CENPI: variants seen among roughly 807,000 people sequenced by gnomAD.
CENPI encodes the protein FSH primary response 1.
CENPI carries 4 observed loss-of-function variants against 60.4 expected under a neutral mutation model. The ratio of observed to expected loss-of-function variants is 0.07; its 90% CI spans 0.03 to 0.15. The LOEUF (loss-of-function observed/expected upper bound fraction) is 0.15. Among genes scored for constraint, CENPI ranks in the 10% least tolerant of loss-of-function variants. The pLI, the probability that CENPI is intolerant of heterozygous loss-of-function variation, is 1.00. For synonymous variants in CENPI, 157 were observed against 189.4 expected (o/e 0.83, Z 1.40); for missense variants, 444 against 534.5 (o/e 0.83, Z 1.67).
intron 14 of CENPI, 41 bp downstream of exon 14, chrX:101,132,348 C>T (rs7883144): frequency 0.24 from 291,386 of 1,189,819 alleles, 24,434 homozygotes; most frequent in South Asian, 0.34. Flanking sequence ...ATTCAACGTA[C>T]TATGATTGAA....
chrX:101,134,494 C>T (rs1411274102), intron 15 of CENPI, among the ~76,000 whole-genome samples: 1 of 111,118 alleles, frequency 9.0e-6, no homozygotes, highest in Non-Finnish European at 1.9e-5. Flanking sequence ...GATTATTGAG[C>T]GTCATTAAGG....
chrX:101,152,547 A>C (rs2090017001), intron 20 of CENPI, among the ~76,000 whole-genome samples: 1 of 109,450 alleles, frequency 9.1e-6, no homozygotes, highest in Non-Finnish European at 1.9e-5. Context: ...CTCCTGAGGC[A>C]TGTGTCACCA....
At chrX:101,139,486 T>G (rs1027757167) in intron 15 of CENPI, among the ~76,000 whole-genome samples, 8 of 112,370 alleles carry the variant, frequency 7.1e-5, no homozygotes, top group African/African-American at 2.3e-4. Context: ...TAATATAACA[T>G]TGTAATGTTG....
At chrX:101,112,294 T>TA (rs1178292764) in intron 6 of CENPI, among the ~76,000 whole-genome samples, 6 of 112,110 alleles carry the variant, frequency 5.4e-5, no homozygotes, top group Non-Finnish European at 1.1e-4. Flanking sequence ...GATTTTTAGT[T>TA]ATCATATAAT....
intron 15 of CENPI, among the ~76,000 whole-genome samples, chrX:101,136,388 G>A (rs1461180003): frequency 1.5e-4 from 17 of 111,788 alleles, no homozygotes; most frequent in African/African-American, 4.5e-4. Flanking sequence ...AAGAAGCATA[G>A]AGACAAGGAA....
At chrX:101,156,498 A>G in intron 20 of CENPI, among the ~76,000 whole-genome samples, 1 of 111,547 alleles carries the variant, frequency 9.0e-6, no homozygotes, top group South Asian at 3.8e-4. Flanking sequence ...TTTATTTATT[A>G]TTTTCAATGT....
intron 18 of CENPI, 112 bp from the exon 19 acceptor site, chrX:101,147,651 C>A: frequency 1.7e-6 from 1 of 580,150 alleles, no homozygotes; most frequent in Non-Finnish European, 2.8e-6. Context: ...TGTATATGCA[C>A]ATTTGCATAT....
At position 101,162,255 on chromosome X, in the gene CENPI, C is replaced by A. The variant is rs181506455; in HGVS notation, c.2137-578C>A. ...GCACCCGGAGGCCTGGAATTTGAGA[C>A]CAGCCTGGGCAACATAGCAAGACCA... is the stretch of plus-strand genomic sequence containing the variant. On this transcript the variant is annotated intron_variant, in intron 21 of 21. Coordinates refer to ENST00000682095, the MANE Select transcript of CENPI (RefSeq NM_001386188.2). Among the ~76,000 whole-genome samples the A allele has an allele frequency of 4.7e-3, 510 of 108,325 alleles. 2 individuals carry two copies. Among genetic ancestry groups the A allele is most frequent in the African/African-American group, 0.016 (489 of 29,642 alleles). The allele number at this position is 108,325 out of a possible 115,157, so 94.1% of individuals were successfully genotyped here.
At chrX:101,125,496 A>G (rs1425395433) in intron 8 of CENPI, among the ~76,000 whole-genome samples, 10 of 111,297 alleles carry the variant, frequency 9.0e-5, no homozygotes, top group Non-Finnish European at 1.9e-4. Flanking sequence ...TCCCAGGTTC[A>G]AGCCATTCTC....
intron 15 of CENPI, 114 bp from the exon 16 acceptor site, chrX:101,140,552 A>C: frequency 1.9e-6 from 1 of 530,735 alleles, no homozygotes. Context: ...TGTTGGGTTC[A>C]AAATTTGATG....
At chrX:101,102,573 T>A (rs55716641) in intron 4 of CENPI, among the ~76,000 whole-genome samples, 162 bp downstream of exon 4, 1 of 107,033 alleles carries the variant, frequency 9.3e-6, no homozygotes, top group African/African-American at 3.4e-5. Flanking sequence ...ATTGCCCAGG[T>A]TGGTCTCGAA....
chrX:101,105,320 C>T (rs1302651335), intron 4 of CENPI, among the ~76,000 whole-genome samples: 2 of 110,970 alleles, frequency 1.8e-5, no homozygotes, highest in South Asian at 3.8e-4. Context: ...ATCAGGAGAT[C>T]GAGACCATCC....
chrX:101,145,118 A>G lies in CENPI; in HGVS notation c.1620A>G (p.Val540=). 8.3e-7 allele frequency: 1 copy of G among 1,202,942 alleles called. No individual in the cohort carries two copies. The highest frequency in any genetic ancestry group is 1.1e-6 in the Non-Finnish European group (1 of 887,472). The change falls in exon 17 of 22, where the codon GTA becomes GTG. Residue 540 remains valine, a synonymous_variant. Coordinates refer to ENST00000682095, the MANE Select transcript of CENPI (RefSeq NM_001386188.2). ...MNSVSKLIHY[V]GWLSTTAMRL... is the part of the protein sequence containing the mutation. Reference sequence around the variant, plus strand: ...CTGTGTCTAAACTGATCCACTATGTAGGGTGGCTATCCACTACTGCAATGC... The same window carrying G: ...CTGTGTCTAAACTGATCCACTATGTGGGGTGGCTATCCACTACTGCAATGC...
At chrX:101,176,720 G>A in the CENPI span, among the ~76,000 whole-genome samples, 1 of 112,586 alleles carries the variant, frequency 8.9e-6, no homozygotes, top group Non-Finnish European at 1.9e-5. Flanking sequence ...TCAGTTCAAC[G>A]ATGCCTCTAC....
chrX:101,173,185 T>G, the CENPI span, among the ~76,000 whole-genome samples: 3 of 107,583 alleles, frequency 2.8e-5, no homozygotes, highest in African/African-American at 3.4e-5. Flanking sequence ...CCAGCTAATT[T>G]TTGTATTTTT....
chrX:101,127,555 T>C lies in CENPI; in HGVS notation c.964T>C (p.Cys322Arg). Reference protein sequence around the residue: ...VLNSSSYTKECGKKEMSLSDC... With the variant: ...VLNSSSYTKERGKKEMSLSDC... ...CAATTCCAGTAGCTACACTAAAGAA[T>C]GTGGAAAAAAAGAGATGAGTCTTTC... The change falls in exon 11 of 22, where the codon TGT becomes CGT. Residue 322 changes from cysteine (C) to arginine (R), a missense_variant. By Grantham distance (180) the Cys-to-Arg change is radical. Transcript: ENST00000682095. The C allele has an allele frequency of 1.7e-6, 2 of 1,199,759 alleles. No homozygotes were observed. The highest frequency in any genetic ancestry group is 2.3e-6 in the Non-Finnish European group (2 of 886,099).
intron 20 of CENPI, among the ~76,000 whole-genome samples, chrX:101,154,223 G>A (rs887166799): frequency 4.4e-4 from 49 of 111,547 alleles, no homozygotes; most frequent in African/African-American, 1.5e-3. Flanking sequence ...TTTGGCTATT[G>A]TTGGTTCTTT....
chrX:101,111,763 G>A (rs2089556383), intron 6 of CENPI, among the ~76,000 whole-genome samples: 1 of 111,708 alleles, frequency 9.0e-6, no homozygotes, highest in Non-Finnish European at 1.9e-5. Flanking sequence ...GCCAAGCGCG[G>A]TGGCTCACAC....
chrX:101,107,950 T>G (rs1390074493), intron 4 of CENPI, among the ~76,000 whole-genome samples: 3 of 108,878 alleles, frequency 2.8e-5, no homozygotes, highest in Non-Finnish European at 3.8e-5. Context: ...AGATGGGGTT[T>G]CATCACCTTG....
Sources: allele counts gnomAD v4.1 joint callset (sites outside exome capture counted in the v4.1 genomes callset), GRCh38; gene constraint gnomAD v4.1.1; transcripts MANE v1.5; gene names NCBI Gene and HGNC (gene_info 2026-07-23, HGNC 2026-07-21).